NCAM1: variants seen among roughly 807,000 people sequenced by gnomAD.
NCAM1 encodes the protein neural cell adhesion molecule 1.
In NCAM1, 14 loss-of-function variants were observed where a neutral mutation model predicts 109.8. The ratio of observed to expected loss-of-function variants is 0.13; its 90% CI spans 0.08 to 0.20. The LOEUF (loss-of-function observed/expected upper bound fraction) is 0.20. NCAM1 is among the 10% of genes least tolerant of loss of function. The pLI, the probability that NCAM1 is intolerant of heterozygous loss-of-function variation, is 1.00. For missense variants in NCAM1, 774 were observed against 1,109.9 expected (o/e 0.70, Z 4.30); for synonymous variants, 418 against 442.9 (o/e 0.94, Z 0.70).
At chr11:113,139,941 A>T (rs995278913) in intron 1 of NCAM1, among the ~76,000 whole-genome samples, 4 of 152,230 alleles carry the variant, frequency 2.6e-5, no homozygotes, top group Non-Finnish European at 5.9e-5. Flanking sequence ...ATATGCAGAT[A>T]AAAAATTGTA....
intron 1 of NCAM1, among the ~76,000 whole-genome samples, chr11:113,047,335 AT>A (rs1346042493): frequency 6.6e-6 from 1 of 152,242 alleles, no homozygotes; most frequent in Non-Finnish European, 1.5e-5. Context: ...ATAAAATAAA[AT>A]CACACTTAAA....
chr11:113,228,296 A>G (rs1944906978), intron 9 of NCAM1, among the ~76,000 whole-genome samples: 1 of 152,176 alleles, frequency 6.6e-6, no homozygotes, highest in Non-Finnish European at 1.5e-5. Context: ...ATAACAGACA[A>G]ACAGAGAGCC....
chr11:113,140,323 A>G (rs556388156), intron 1 of NCAM1, among the ~76,000 whole-genome samples: 98 of 152,254 alleles, frequency 6.4e-4, no homozygotes, highest in African/African-American at 2.3e-3. Context: ...TGTGGAAGCC[A>G]TAGTTGAACA....
At chr11:113,077,724 T>C (rs1555086408) in intron 1 of NCAM1, among the ~76,000 whole-genome samples, 1 of 151,652 alleles carries the variant, frequency 6.6e-6, no homozygotes, top group African/African-American at 2.4e-5. Flanking sequence ...CTTGGCTCTG[T>C]CTCCTAGGCT....
intron 1 of NCAM1, among the ~76,000 whole-genome samples, chr11:113,013,998 AT>A (rs1202347594): frequency 2.0e-5 from 3 of 151,628 alleles, no homozygotes; most frequent in Non-Finnish European, 2.9e-5. Flanking sequence ...AAAGGTCTAG[AT>A]TTTTTTTTCC....
chr11:113,263,299 A>G, intron 17 of NCAM1: 2 of 1,019,252 alleles, frequency 2.0e-6, no homozygotes, highest in Non-Finnish European at 2.4e-6. Context: ...AATTCTAAGT[A>G]CCTTCTAAAG....
chr11:113,197,731 C>T lies in NCAM1; in HGVS notation c.53-4648C>T, dbSNP rs532003494. The stretch of plus-strand genomic sequence containing the variant: ...GTTCCCTGTCTGCTGTCAGCTCCTC[C>T]CTCCTCAAGCCCATTGGAATCTGAA... On this transcript the variant is annotated intron_variant, in intron 1 of 19. Transcript: ENST00000316851. 3.9e-5 allele frequency among the ~76,000 whole-genome samples: 6 copies of T among 152,296 alleles called. No individual in the cohort carries two copies. In the East Asian group the frequency reaches 9.7e-4, roughly 25 times the overall value.
intron 1 of NCAM1, among the ~76,000 whole-genome samples, chr11:113,137,448 C>T (rs1565457755): frequency 2.6e-5 from 4 of 152,194 alleles, no homozygotes; most frequent in Admixed American, 1.3e-4. Context: ...TATGTACAAA[C>T]GTTGTTAATT....
chr11:113,243,410 C>T (rs1286355628), intron 14 of NCAM1: 9 of 349,616 alleles, frequency 2.6e-5, no homozygotes, highest in African/African-American at 1.3e-4. Flanking sequence ...CTTTCAGGCT[C>T]CCGCCTCAGT....
chr11:112,975,252 G>T, intron 1 of NCAM1, among the ~76,000 whole-genome samples: 1 of 152,172 alleles, frequency 6.6e-6, no homozygotes, highest in East Asian at 1.9e-4. Flanking sequence ...ATCAGAACAA[G>T]AACAATTTTA....
rs782565581 is a variant in NCAM1, at chr11:113,232,238, G to A, written c.1309G>A (p.Glu437Lys). The A allele has an allele frequency of 4.3e-6, 7 of 1,613,740 alleles. No homozygotes were observed. The South Asian group carries it at 4.4e-5, about 10-fold the overall frequency. Residue 437 changes from glutamate (E) to lysine (K), a missense_variant, in exon 11 of 20, where the codon GAG (glutamate) becomes AAG (lysine). This residue lies in a region of NCAM1 where 523 missense variants were observed against 784.2 expected (regional missense o/e 0.67). Coordinates refer to ENST00000316851, the MANE Select transcript of NCAM1 (RefSeq NM_181351.5). Reference sequence around the variant, plus strand: ...GGGGAACCAGGTGAACATCACCTGCGAGGTATTTGCCTATCCCAGTGCCAC... The same window carrying A: ...GGGGAACCAGGTGAACATCACCTGCAAGGTATTTGCCTATCCCAGTGCCAC... ...WEGNQVNITC[E>K]VFAYPSATIS...
rs1555123066 is a variant in NCAM1, at chr11:113,260,239, T to C, written c.2047T>C (p.Tyr683His). Reference sequence around the variant, plus strand: ...GGACTGGAATGCTGAGTATGAGGTCTACGTGGTGGCTGAGAACCAGCAAGG... The same window carrying C: ...GGACTGGAATGCTGAGTATGAGGTCCACGTGGTGGCTGAGAACCAGCAAGG... ...SLDWNAEYEVYVVAENQQGKS... is the reference protein window; with the variant it reads ...SLDWNAEYEVHVVAENQQGKS... The change falls in exon 17 of 20, where the codon TAC becomes CAC. Residue 683 changes from tyrosine (Y) to histidine (H), a missense_variant. Physicochemically the swap from Tyr to His is moderately conservative, Grantham distance 83 (BLOSUM62 2). Around this residue, in one of 4 missense-constraint regions of NCAM1, gnomAD observed 523 missense variants for 784.2 expected, o/e 0.67. Transcript: ENST00000316851. 1 of 1,614,014 alleles carries C rather than the reference T, an allele frequency of 6.2e-7. No individual in the cohort carries two copies. Among genetic ancestry groups the C allele is most frequent in the South Asian group, 1.1e-5 (1 of 91,084 alleles).
intron 1 of NCAM1, among the ~76,000 whole-genome samples, chr11:113,071,942 C>T (rs782629115): frequency 1.3e-5 from 2 of 152,012 alleles, no homozygotes; most frequent in South Asian, 2.1e-4. Context: ...GTCAGGAGTT[C>T]GAGACCAGTC....
intron 1 of NCAM1, among the ~76,000 whole-genome samples, chr11:113,184,791 G>GT (rs1555108574): frequency 6.6e-6 from 1 of 152,094 alleles, no homozygotes. Flanking sequence ...TCCACTTGTG[G>GT]TGTGTGAGTT....
intron 14 of NCAM1, among the ~76,000 whole-genome samples, chr11:113,238,524 T>A (rs1683359156): frequency 6.6e-6 from 1 of 152,176 alleles, no homozygotes; most frequent in African/African-American, 2.4e-5. Context: ...ATTGGGAGGA[T>A]GCTGCCAGCA....
intron 1 of NCAM1, among the ~76,000 whole-genome samples, chr11:113,056,044 T>C (rs1452074419): frequency 1.5e-4 from 21 of 137,178 alleles, no homozygotes; most frequent in African/African-American, 5.4e-4. Context: ...ATATTATATA[T>C]ACACACACCC....
intron 1 of NCAM1, among the ~76,000 whole-genome samples, chr11:113,014,527 G>T (rs554025871): frequency 4.6e-5 from 7 of 152,156 alleles, no homozygotes; most frequent in Non-Finnish European, 8.8e-5. Flanking sequence ...GAATGCTGCC[G>T]TAAAGAAGGA....
chr11:113,054,796 C>G (rs2135430664), intron 1 of NCAM1, among the ~76,000 whole-genome samples: 1 of 152,118 alleles, frequency 6.6e-6, no homozygotes, highest in East Asian at 1.9e-4. Context: ...TTGGGGCCCT[C>G]TCCGTGACTG....
intron 1 of NCAM1, among the ~76,000 whole-genome samples, chr11:112,978,422 TG>T (rs1396731413): frequency 1.1e-4 from 16 of 151,872 alleles, no homozygotes; most frequent in Admixed American, 2.0e-4. Flanking sequence ...AATAATGGCA[TG>T]TTTTTTTCTT....
Sources: allele counts gnomAD v4.1 joint callset (sites outside exome capture counted in the v4.1 genomes callset), GRCh38; gene constraint gnomAD v4.1.1; regional missense constraint gnomAD v4.1.1; transcripts MANE v1.5; gene names NCBI Gene and HGNC (gene_info 2026-07-23, HGNC 2026-07-21).